Variants in NTRK2 observed in about 807,000 individuals in gnomAD.
The protein encoded by NTRK2 is BDNF/NT-3 growth factors receptor.
Under a neutral mutation model 94.5 loss-of-function variants are expected in NTRK2, and 13 were observed. That is an observed-to-expected ratio of 0.14 (90% CI 0.09 to 0.22). The LOEUF (loss-of-function observed/expected upper bound fraction) is 0.22. NTRK2 is among the 10% of genes least tolerant of loss of function. The pLI, the probability that NTRK2 is intolerant of heterozygous loss-of-function variation, is 1.00. For synonymous variants in NTRK2, 372 were observed against 407.4 expected, an observed-to-expected ratio of 0.91 and a Z score of 1.05; for missense variants, 639 against 1,071.2, an observed-to-expected ratio of 0.60 and a Z score of 5.63.
At chr9:84,875,585 G>A in intron 14 of NTRK2, 1 of 1,062,350 alleles carries the variant, frequency 9.4e-7, no homozygotes, top group Non-Finnish European at 1.1e-6. Flanking sequence ...GGATCTTAAA[G>A]GGCCAAACTA....
At chr9:84,858,846 AGCATGGGAAATGCAACTAAAAAAGAAT>A (rs2075194057) in intron 12 of NTRK2, among the ~76,000 whole-genome samples, 1 of 152,208 alleles carries the variant, frequency 6.6e-6, no homozygotes, top group Non-Finnish European at 1.5e-5. Context: ...GTGATTTTGG[AGCATGGGAAATGCAACTAAAAAAGAAT>A]GAAAAAAAAA....
intron 17 of NTRK2, among the ~76,000 whole-genome samples, chr9:84,999,379 A>ATTGTATTCT (rs1187691293): frequency 1.3e-5 from 2 of 152,174 alleles, no homozygotes; most frequent in Non-Finnish European, 2.9e-5. Context: ...TGTGATGAAA[A>ATTGTATTCT]TTGTATTCTA....
rs200825998 is a variant in NTRK2 at position 84,872,296 on chromosome 9, A to G, written c.1633+4865A>G. ...AATGGAAACACACCTTCTGAGCTGA[A>G]ACAAACAAACAGAAACAAAACATAC... On this transcript the variant is annotated intron_variant, in intron 14 of 18. Transcript: ENST00000277120. 311 of 1,114,072 alleles carry G rather than the reference A, an allele frequency of 2.8e-4. 1 individual carries two copies. In the African/African-American group the frequency reaches 4.5e-3, roughly 16 times the overall value. The allele number at this position is 1,114,072 out of a possible 1,614,324, so 69.0% of individuals were successfully genotyped here. A position where few individuals can be genotyped will look rare whatever the true frequency, so the allele number is the denominator to read the frequency against.
At chr9:84,726,350 G>A (rs2062456164) in intron 8 of NTRK2, among the ~76,000 whole-genome samples, 1 of 152,146 alleles carries the variant, frequency 6.6e-6, no homozygotes, top group African/African-American at 2.4e-5. Context: ...AGCCGGTCAC[G>A]ATGGCAGGCG....
At chr9:84,891,304 G>A (rs1270966791) in intron 14 of NTRK2, among the ~76,000 whole-genome samples, 2 of 151,400 alleles carry the variant, frequency 1.3e-5, no homozygotes, top group Admixed American at 6.6e-5. Context: ...CACCTTCCCT[G>A]CATTCTTTTG....
intron 6 of NTRK2, among the ~76,000 whole-genome samples, chr9:84,720,117 G>A (rs2061967491): frequency 5.3e-5 from 8 of 152,126 alleles, no homozygotes; most frequent in Middle Eastern, 3.4e-3. Context: ...GACTTAAAGG[G>A]TGAGAATACT....
chr9:84,712,910 A>G lies in NTRK2; in HGVS notation c.583+2119A>G, dbSNP rs538862456. Among the ~76,000 whole-genome samples the G allele has an allele frequency of 2.0e-5, 3 of 152,298 alleles. No homozygotes were observed. The East Asian group carries it at 5.8e-4, about 29-fold the overall frequency. ...TTTGCTTATTTTCCATTTTTTCAAT[A>G]CTGCAAAAATGTTTCAGCAAGCATC... On this transcript the variant is annotated intron_variant, in intron 6 of 18. Coordinates refer to ENST00000277120, the MANE Select transcript of NTRK2 (RefSeq NM_006180.6).
At chr9:84,760,694 G>A (rs1226208502) in intron 12 of NTRK2, among the ~76,000 whole-genome samples, 1 of 152,136 alleles carries the variant, frequency 6.6e-6, no homozygotes, top group Non-Finnish European at 1.5e-5. Flanking sequence ...GATTGATTTG[G>A]TATGTAGGTT....
At chr9:84,829,765 T>C (rs2073416994) in intron 12 of NTRK2, among the ~76,000 whole-genome samples, 1 of 152,248 alleles carries the variant, frequency 6.6e-6, no homozygotes, top group Non-Finnish European at 1.5e-5. Context: ...GCTCACTTTT[T>C]GTTCTTGATG....
Position 85,003,086 on chromosome 9 carries a change from T to A in NTRK2, c.2173-17120T>A, listed in dbSNP as rs112522877. Among the ~76,000 whole-genome samples, 13 of 152,254 alleles carry A rather than the reference T, an allele frequency of 8.5e-5. 1 individual carries two copies. The highest frequency in any genetic ancestry group is 2.9e-4 in the African/African-American group (12 of 41,540). On this transcript the variant is annotated intron_variant, in intron 17 of 18. Transcript: ENST00000277120. ...ATTTCTCTTTATTGTGTCCTTAGTG[T>A]TTATTGTCCTATGGTTTTCCTTTAG...
intron 6 of NTRK2, among the ~76,000 whole-genome samples, chr9:84,720,910 G>A (rs2062017027): frequency 6.6e-6 from 1 of 152,064 alleles, no homozygotes; most frequent in African/African-American, 2.4e-5. Context: ...TGCAAATAGA[G>A]CAAATAAATG....
chr9:84,764,430 G>A (rs2132698874), intron 12 of NTRK2, among the ~76,000 whole-genome samples: 1 of 152,134 alleles, frequency 6.6e-6, no homozygotes, highest in South Asian at 2.1e-4. Flanking sequence ...TTCTGGCCTT[G>A]GCCAAGAATT....
chr9:84,866,421 C>G (rs943936086), intron 13 of NTRK2, among the ~76,000 whole-genome samples: 4 of 152,158 alleles, frequency 2.6e-5, no homozygotes, highest in Non-Finnish European at 4.4e-5. Flanking sequence ...AAGTAAGTGA[C>G]TTGTCCAAAG....
intron 13 of NTRK2, among the ~76,000 whole-genome samples, chr9:84,863,560 C>T (rs908846376): frequency 6.6e-6 from 1 of 152,182 alleles, no homozygotes; most frequent in Non-Finnish European, 1.5e-5. Flanking sequence ...TACAAAGACA[C>T]ATCCTGTGAT....
At position 84,931,716 on chromosome 9, in the gene NTRK2, C is replaced by CAAAAAAAAAA. The variant is rs11395381; in HGVS notation, c.1634-2441_1634-2432dup. 6.6e-4 allele frequency among the ~76,000 whole-genome samples: 66 copies of CAAAAAAAAAA among 100,268 alleles called. 1 individual carries two copies. The highest frequency in any genetic ancestry group is 9.3e-4 in the Non-Finnish European group (41 of 44,020). The allele number at this position is 100,268 out of a possible 152,430, so 65.8% of individuals were successfully genotyped here. The stretch of plus-strand genomic sequence containing the variant: ...AAGAAAGAAGGTATGTAATAAAATG[C>CAAAAAAAAAA]AAAAAAAAAAAAAACAAAAAAAACC... On this transcript the variant is annotated intron_variant, in intron 14 of 18. Coordinates refer to ENST00000277120, the MANE Select transcript of NTRK2 (RefSeq NM_006180.6).
At chr9:84,984,397 G>A (rs1481280838) in intron 17 of NTRK2, among the ~76,000 whole-genome samples, 2 of 152,100 alleles carry the variant, frequency 1.3e-5, no homozygotes, top group Non-Finnish European at 2.9e-5. Context: ...GCTTGAACCC[G>A]GGAGGCGGAG....
intron 12 of NTRK2, among the ~76,000 whole-genome samples, chr9:84,849,438 A>G (rs1400216705): frequency 6.6e-6 from 1 of 152,212 alleles, no homozygotes; most frequent in Admixed American, 6.5e-5. Flanking sequence ...AGGAGAGGCA[A>G]GAAGAGCAAC....
At chr9:84,869,710 C>T (rs570528748) in intron 14 of NTRK2, among the ~76,000 whole-genome samples, 2 of 152,182 alleles carry the variant, frequency 1.3e-5, no homozygotes, top group African/African-American at 4.8e-5. Flanking sequence ...TCCTTCATAG[C>T]ACAGGACGTG....
intron 17 of NTRK2, among the ~76,000 whole-genome samples, chr9:84,961,853 G>A (rs538736990): frequency 5.3e-5 from 8 of 152,358 alleles, no homozygotes; most frequent in Non-Finnish European, 1.0e-4. Context: ...CAACGTTTGA[G>A]CTGGTATTTA....
Sources: allele counts gnomAD v4.1 joint callset (sites outside exome capture counted in the v4.1 genomes callset), GRCh38; gene constraint gnomAD v4.1.1; transcripts MANE v1.5; gene names NCBI Gene and HGNC (gene_info 2026-07-23, HGNC 2026-07-21).